RBM47: variants seen among roughly 807,000 people sequenced by gnomAD.
RBM47 encodes the protein RNA binding motif protein 47, also known as RNA-binding protein 47.
A neutral mutation model predicts 47.1 loss-of-function variants in RBM47; 21 were observed. The observed-to-expected ratio is 0.45, with a 90% CI of 0.32 to 0.64. RBM47 has a LOEUF of 0.64. Ranked by LOEUF, RBM47 falls within the 30% of genes least tolerant of loss-of-function variation. The probability of loss-of-function intolerance (pLI) is 0.05; values close to 1 mark genes in which losing one functional copy is unlikely to be tolerated. For missense variants in RBM47, 708 were observed against 870.9 expected (o/e 0.81, Z 2.35); for synonymous variants, 375 against 361.7 (o/e 1.04, Z -0.42).
intron 2 of RBM47, among the ~76,000 whole-genome samples, chr4:40,498,054 T>TTTTATATATATATATA (rs1553890649): frequency 9.1e-6 from 1 of 109,870 alleles, no homozygotes; most frequent in African/African-American, 3.2e-5. Flanking sequence ...AGTGCTTGTT[T>TTTTATATATATATATA]TATATATATA....
At chr4:40,433,912 C>G (rs1468962092) in intron 5 of RBM47, among the ~76,000 whole-genome samples, 1 of 147,642 alleles carries the variant, frequency 6.8e-6, no homozygotes, top group Non-Finnish European at 1.5e-5. Context: ...GAGATTCAAA[C>G]AGCAGCTATT....
intron 3 of RBM47, among the ~76,000 whole-genome samples, chr4:40,464,623 G>A (rs1717680526): frequency 6.6e-6 from 1 of 151,986 alleles, no homozygotes. Context: ...CAATCAGCCA[G>A]GCATGGTGGC....
At chr4:40,621,672 T>C (rs1737276112) in intron 1 of RBM47, among the ~76,000 whole-genome samples, 3 of 152,182 alleles carry the variant, frequency 2.0e-5, no homozygotes, top group Admixed American at 2.0e-4. Flanking sequence ...GAAAAGGTGA[T>C]AAACAATATA....
chr4:40,441,338 A>G (rs13115235), intron 3 of RBM47, among the ~76,000 whole-genome samples: 125,691 of 151,158 alleles, frequency 0.83, 52,709 homozygotes, highest in Non-Finnish European at 0.89. Context: ...AGCTAGTCTC[A>G]AACTCCTGGG....
At chr4:40,581,301 A>G (rs1289422768) in intron 1 of RBM47, among the ~76,000 whole-genome samples, 2 of 152,040 alleles carry the variant, frequency 1.3e-5, no homozygotes, top group Non-Finnish European at 2.9e-5. Flanking sequence ...ATGCGCCTGT[A>G]GTCCCAGCTA....
At chr4:40,431,579 A>C (rs1326644458) in intron 6 of RBM47, among the ~76,000 whole-genome samples, 3 of 151,838 alleles carry the variant, frequency 2.0e-5, no homozygotes, top group Non-Finnish European at 4.4e-5. Context: ...AATGGCGTGA[A>C]CCTGGGAGGC....
intron 2 of RBM47, among the ~76,000 whole-genome samples, chr4:40,481,676 AGAGTAACCGG>A (rs1419858978): frequency 1.3e-5 from 2 of 151,554 alleles, no homozygotes; most frequent in Admixed American, 6.6e-5. Context: ...TTCAGCCTCT[AGAGTAACCGG>A]GATTACAGGT....
chr4:40,536,415 C>G (rs1727986099), intron 2 of RBM47, among the ~76,000 whole-genome samples: 1 of 152,208 alleles, frequency 6.6e-6, no homozygotes, highest in South Asian at 2.1e-4. Context: ...AGGTTCAACG[C>G]TGACATTAGC....
intron 2 of RBM47, among the ~76,000 whole-genome samples, chr4:40,479,461 G>C (rs3105210): frequency 0.18 from 27,655 of 151,860 alleles, 2,668 homozygotes; most frequent in Non-Finnish European, 0.2. Flanking sequence ...AAATTAGCAG[G>C]GCATGGTGAC....
At chr4:40,601,066 C>T (rs1225222107) in intron 1 of RBM47, among the ~76,000 whole-genome samples, 6 of 151,402 alleles carry the variant, frequency 4.0e-5, no homozygotes, top group Admixed American at 2.6e-4. Context: ...AAGTGCCTCA[C>T]GGAAATGATG....
intron 1 of RBM47, among the ~76,000 whole-genome samples, chr4:40,545,215 C>G (rs1188088798): frequency 6.6e-6 from 1 of 151,108 alleles, no homozygotes; most frequent in Non-Finnish European, 1.5e-5. Context: ...CCATGCCCAG[C>G]TAATGTTTTG....
At chr4:40,504,270 T>C (rs1723784382) in intron 2 of RBM47, among the ~76,000 whole-genome samples, 1 of 151,320 alleles carries the variant, frequency 6.6e-6, no homozygotes, top group Non-Finnish European at 1.5e-5. Context: ...AGGGAAATGG[T>C]ATCTCTCTGT....
chr4:40,529,931 C>CCTTT, intron 2 of RBM47, among the ~76,000 whole-genome samples: 1 of 124,486 alleles, frequency 8.0e-6, no homozygotes, highest in Non-Finnish European at 1.6e-5. Context: ...ATTAGACCCC[C>CCTTT]TTTTTTTTTT....
chr4:40,625,003 C>G (rs1211188175), intron 1 of RBM47, among the ~76,000 whole-genome samples: 3 of 152,008 alleles, frequency 2.0e-5, no homozygotes, highest in Non-Finnish European at 4.4e-5. Flanking sequence ...GCACCCGCCA[C>G]TATGCCTGGC....
intron 1 of RBM47, among the ~76,000 whole-genome samples, chr4:40,577,605 G>A (rs1207157062): frequency 6.8e-6 from 1 of 147,372 alleles, no homozygotes; most frequent in South Asian, 2.2e-4. Flanking sequence ...TAAAAATCCT[G>A]TTTTCCCTTT....
intron 3 of RBM47, among the ~76,000 whole-genome samples, chr4:40,451,600 T>A (rs983854406): frequency 6.6e-6 from 1 of 152,202 alleles, no homozygotes; most frequent in African/African-American, 2.4e-5. Context: ...AGTTTTTTTT[T>A]AAAGACATAC....
chr4:40,432,926 C>T (rs1711579937), intron 5 of RBM47, 64 bp from the exon 6 acceptor site: 2 of 1,565,452 alleles, frequency 1.3e-6, no homozygotes, highest in Non-Finnish European at 1.7e-6. Flanking sequence ...GGGTCCAGCA[C>T]TTGCTCTAAG....
intron 1 of RBM47, among the ~76,000 whole-genome samples, chr4:40,567,676 T>C (rs1387949741): frequency 6.6e-6 from 1 of 151,984 alleles, no homozygotes; most frequent in Non-Finnish European, 1.5e-5. Flanking sequence ...TATAATCCAG[T>C]GTCCACAAAA....
At chr4:40,522,739 A>T (rs1228997407) in intron 2 of RBM47, among the ~76,000 whole-genome samples, 1 of 152,140 alleles carries the variant, frequency 6.6e-6, no homozygotes, top group Admixed American at 6.6e-5. Flanking sequence ...TATCAAGACA[A>T]TCATCAAAGA....
Sources: allele counts gnomAD v4.1 joint callset (sites outside exome capture counted in the v4.1 genomes callset), GRCh38; gene constraint gnomAD v4.1.1; transcripts MANE v1.5; gene names NCBI Gene and HGNC (gene_info 2026-07-23, HGNC 2026-07-21).